ZBTB17: variants seen among roughly 807,000 people sequenced by gnomAD.
ZBTB17 encodes zinc finger and BTB domain-containing protein 17.
Under a neutral mutation model 85.1 loss-of-function variants are expected in ZBTB17, and 24 were observed. The observed-to-expected ratio is 0.28, with a 90% confidence interval of 0.20 to 0.40. The LOEUF is 0.40. ZBTB17 is among the 10% of genes least tolerant of loss of function. ZBTB17 has a pLI of 1.00. For synonymous variants in ZBTB17, 464 were observed against 460.2 expected, an observed-to-expected ratio of 1.01 and a Z score of -0.11; for missense variants, 743 against 1,105.1, an observed-to-expected ratio of 0.67 and a Z score of 4.65.
Position 15,970,764 on chromosome 1 carries a change from G to A in ZBTB17, c.-3+2275C>T, listed in dbSNP as rs146565794. Among the ~76,000 whole-genome samples the A allele has an allele frequency of 5.5e-3, 843 of 152,106 alleles. 1 individual carries two copies. The highest frequency in any genetic ancestry group is 0.01 in the Non-Finnish European group (680 of 67,986). ...GAGTTTCACCATGTTAGCCAGGATGGTCTCGATCTCCTGACCTCGTGATCC... is the reference window on the plus strand; with the variant it reads ...GAGTTTCACCATGTTAGCCAGGATGATCTCGATCTCCTGACCTCGTGATCC... On this transcript the variant is annotated intron_variant, in intron 2 of 15. Coordinates refer to ENST00000375743, the MANE Select transcript of ZBTB17 (RefSeq NM_003443.3).
rs1301671963 is a variant in ZBTB17, at chr1:15,944,414, C to G, written c.1257G>C (p.Gln419His). 6.4e-7 allele frequency: 1 copy of G among 1,566,550 alleles called. No homozygotes were observed. The highest frequency in any genetic ancestry group is 1.2e-5 in the South Asian group (1 of 85,472). Reference sequence around the variant, plus strand: ...AGAAGGAGCGGCCGCAGTAGTCGCACTGGTAGGGCTTCTCGCCGCTGTGCA... The same window carrying G: ...AGAAGGAGCGGCCGCAGTAGTCGCAGTGGTAGGGCTTCTCGCCGCTGTGCA... ...QLVHSGEKPY[Q>H]CDYCGRSFSD... The change falls in exon 9 of 16, where the codon CAG becomes CAC. Residue 419 changes from glutamine to histidine, a missense_variant. Transcript: ENST00000375743.
At position 15,945,216 on chromosome 1, in the gene ZBTB17, G is replaced by GGCAA. The variant is rs1557774680; in HGVS notation, c.662-18_662-15dup. 3 of 1,550,098 alleles carry GGCAA rather than the reference G, an allele frequency of 1.9e-6. No homozygotes were observed. In the South Asian group the frequency reaches 3.6e-5, roughly 18 times the overall value. ...CCACCTCCATTTCTGCGGAGAAAAGGGCAAGCATGGAGGCGGCAGCCCTCT... is the reference window on the plus strand; with the variant it reads ...CCACCTCCATTTCTGCGGAGAAAAGGGCAAGCAAGCATGGAGGCGGCAGCCCTCT... On this transcript the variant is annotated splice_polypyrimidine_tract_variant and intron_variant, in intron 6 of 15. Coordinates refer to ENST00000375743, the MANE Select transcript of ZBTB17 (RefSeq NM_003443.3).
chr1:15,944,368 G>A lies in ZBTB17; in HGVS notation c.1303C>T (p.Arg435Cys). 6.4e-7 allele frequency: 1 copy of A among 1,558,952 alleles called. No individual in the cohort carries two copies. The highest frequency in any genetic ancestry group is 8.7e-7 in the Non-Finnish European group (1 of 1,151,724). The change falls in exon 9 of 16, where the codon CGC becomes TGC. Residue 435 changes from arginine (R) to cysteine (C), a missense_variant. Physicochemically the swap from Arg to Cys is radical, Grantham distance 180. This residue lies in a region of ZBTB17 where 321 missense variants were observed against 615.7 expected (regional missense o/e 0.52). Transcript: ENST00000375743. The part of the protein sequence containing the change: ...RSFSDPTSKM[R>C]HLETHDTDKE... ...TCCGTGTCGTGGGTCTCCAGGTGGC[G>A]CATCTTGGAAGTGGGGTCGGAGAAG... is the stretch of plus-strand genomic sequence containing the variant.
At chr1:15,946,397 G>A (rs2071615661) in intron 4 of ZBTB17, 103 bp from the exon 5 acceptor site, 1 of 1,516,192 alleles carries the variant, frequency 6.6e-7, no homozygotes, top group East Asian at 2.3e-5. Flanking sequence ...TCCTCCCTAG[G>A]GTACCTCTAA....
At chr1:15,969,601 C>T (rs1006596413) in intron 2 of ZBTB17, 42 of 410,692 alleles carry the variant, frequency 1.0e-4, no homozygotes, top group African/African-American at 6.4e-4. Context: ...GCCTGGGCCT[C>T]GGAGGGTGGG....
chr1:15,966,579 A>G lies in ZBTB17; in HGVS notation c.-3+6460T>C, dbSNP rs1365905733. The stretch of plus-strand genomic sequence containing the variant: ...TACGAACCATCTCTCTTCAATTCAT[A>G]ACAAGCACGTTTGAATCCAAGAGCC... On this transcript the variant is annotated intron_variant, in intron 2 of 15. Coordinates refer to ENST00000375743, the MANE Select transcript of ZBTB17 (RefSeq NM_003443.3). The surrounding 1 kb of genome is among the most constrained non-coding windows in gnomAD (Gnocchi z 4.1). Among the ~76,000 whole-genome samples the G allele has an allele frequency of 6.6e-6, 1 of 152,136 alleles. No individual in the cohort carries two copies. The highest frequency in any genetic ancestry group is 1.5e-5 in the Non-Finnish European group (1 of 68,028).
At chr1:15,958,713 C>T (rs867580025) in intron 2 of ZBTB17, among the ~76,000 whole-genome samples, 4 of 152,138 alleles carry the variant, frequency 2.6e-5, no homozygotes, top group Admixed American at 6.5e-5. Context: ...TGGGGGCTGC[C>T]GAAGCGCCAG....
At chr1:15,958,543 G>A (rs978477572) in intron 2 of ZBTB17, among the ~76,000 whole-genome samples, 5 of 152,264 alleles carry the variant, frequency 3.3e-5, no homozygotes, top group South Asian at 2.1e-4. Context: ...AGAGGGATTC[G>A]GGGGTCCAAT....
chr1:15,959,965 T>A (rs2072196986), intron 2 of ZBTB17, among the ~76,000 whole-genome samples: 1 of 152,156 alleles, frequency 6.6e-6, no homozygotes, highest in Non-Finnish European at 1.5e-5. Context: ...GCACAGAGAA[T>A]CAATGTATCA....
chr1:15,950,492 C>T (rs976475238), intron 2 of ZBTB17, among the ~76,000 whole-genome samples: 70 of 152,210 alleles, frequency 4.6e-4, no homozygotes, highest in African/African-American at 1.6e-3. Context: ...CCCTGGGCCT[C>T]AATTGCTAGT....
chr1:15,966,328 G>A lies in ZBTB17; in HGVS notation c.-3+6711C>T, dbSNP rs150130821. On this transcript the variant is annotated intron_variant, in intron 2 of 15. Transcript: ENST00000375743. This position sits in a 1 kb window ranked among gnomAD's most constrained non-coding sequence, Gnocchi z 4.1. ...AATAAGTTCCAGTATAGGAAGTGGT[G>A]CGGCTGGGGTGGGGAGAACAGATTC... 4.6e-3 allele frequency among the ~76,000 whole-genome samples: 702 copies of A among 152,290 alleles called. 4 individuals carry two copies. The highest frequency in any genetic ancestry group is 7.8e-3 in the Non-Finnish European group (529 of 68,024).
In ZBTB17 at chr1:15,951,277, AAAGT is replaced by A. The variant is rs2071826925; in HGVS notation, c.-2-2784_-2-2781del. ...GGGGGAGGAAGAAGTGAAGATGGGC[AAAGT>A]AAGGGAAGGAAAGGAGAGAGAAGAA... is the stretch of plus-strand genomic sequence containing the variant. On this transcript the variant is annotated intron_variant, in intron 2 of 15. Transcript: ENST00000375743. This position sits in a 1 kb window ranked among gnomAD's most constrained non-coding sequence, Gnocchi z 4.1. 6.6e-6 allele frequency among the ~76,000 whole-genome samples: 1 copy of A among 151,734 alleles called. No homozygotes were observed. The highest frequency in any genetic ancestry group is 2.4e-5 in the African/African-American group (1 of 41,240).
At position 15,953,264 on chromosome 1, in the gene ZBTB17, T is replaced by A. The variant is rs182624781; in HGVS notation, c.-2-4767A>T. On this transcript the variant is annotated intron_variant, in intron 2 of 15. Transcript: ENST00000375743. This position sits in a 1 kb window ranked among gnomAD's most constrained non-coding sequence, Gnocchi z 5.1. ...CTGGGCTCAAGCAATCTGCCTACCT[T>A]GGCCTTCTAAAGTGCTGGGATTACA... Among the ~76,000 whole-genome samples, 1 of 152,276 alleles carries A rather than the reference T, an allele frequency of 6.6e-6. No individual in the cohort carries two copies. Among genetic ancestry groups the A allele is most frequent in the African/African-American group, 2.4e-5 (1 of 41,544 alleles).
intron 6 of ZBTB17, 39 bp downstream of exon 6, chr1:15,945,676 T>C: frequency 3.7e-6 from 6 of 1,602,720 alleles, no homozygotes; most frequent in Non-Finnish European, 5.1e-6. Flanking sequence ...CCTGGGAGGA[T>C]GCACCAGGTA....
At chr1:15,974,190 C>CAAAAAA (rs35124967) in intron 1 of ZBTB17, among the ~76,000 whole-genome samples, 1 of 112,684 alleles carries the variant, frequency 8.9e-6, no homozygotes. Flanking sequence ...GACGTAGTCT[C>CAAAAAA]AAAAAAAAAA....
rs1210003582 is a variant in ZBTB17, at chr1:15,942,575, C to G, written c.1992G>C (p.Thr664=). Reference sequence around the variant, plus strand: ...TCGCTGCCAGTGCCTCGGTAGCCAGCGTGACCATGTCATCCACAGTGACCA... The same window carrying G: ...TCGCTGCCAGTGCCTCGGTAGCCAGGGTGACCATGTCATCCACAGTGACCA... ...VSVVTVDDMV[T]LATEALAATA... Residue 664 remains threonine, a synonymous_variant, in exon 14 of 16, where the codon ACG becomes ACC. Transcript: ENST00000375743. 8.7e-6 allele frequency: 14 copies of G among 1,612,332 alleles called. No individual in the cohort carries two copies. In the South Asian group the frequency reaches 1.5e-4, roughly 18 times the overall value.
intron 2 of ZBTB17, among the ~76,000 whole-genome samples, chr1:15,949,144 G>A (rs1404696206): frequency 6.6e-6 from 1 of 152,064 alleles, no homozygotes; most frequent in Admixed American, 6.5e-5. Context: ...CCTGTGTCCT[G>A]GTGGCCATCC....
At position 15,941,951 on chromosome 1, in the gene ZBTB17, G is replaced by A; in HGVS notation, c.*18C>T. On this transcript the variant is annotated 3_prime_UTR_variant, in exon 16 of 16. Transcript: ENST00000375743. ...GGTGCCATCCATCCTTAAATAAACA[G>A]TCAGAAGGGCCGCCAGCTCACTCGG... 1 of 1,583,600 alleles carries A rather than the reference G, an allele frequency of 6.3e-7. No homozygotes were observed. Among genetic ancestry groups the A allele is most frequent in the Non-Finnish European group, 8.6e-7 (1 of 1,169,130 alleles).
rs1174718495 is a variant in ZBTB17, at chr1:15,976,052, C to T, written c.-159G>A. 1.0e-5 allele frequency: 7 copies of T among 692,968 alleles called. No individual in the cohort carries two copies. The highest frequency in any genetic ancestry group is 7.1e-5 in the African/African-American group (4 of 56,356). The allele number at this position is 692,968 out of a possible 1,614,324, so 42.9% of individuals were successfully genotyped here. ...CGCGAGAAGGCCGGGGACGGCACTCCAGAGCAGACAAAGGGCGCCGCCATG... is the reference window on the plus strand; with the variant it reads ...CGCGAGAAGGCCGGGGACGGCACTCTAGAGCAGACAAAGGGCGCCGCCATG... On this transcript the variant is annotated 5_prime_UTR_variant, in exon 1 of 16. Coordinates refer to ENST00000375743, the MANE Select transcript of ZBTB17 (RefSeq NM_003443.3).
Sources: gnomAD v4.1 joint callset for allele counts (sites outside exome capture counted in the v4.1 genomes callset) on GRCh38, gnomAD v4.1.1 for gene constraint, gnomAD v4.1.1 regional missense constraint, Gnocchi (gnomAD v3.1) non-coding constraint, MANE v1.5 for transcripts, NCBI Gene and HGNC (gene_info 2026-07-23, HGNC 2026-07-21) for gene names.